The following FAT4 variants were observed in gnomAD, a reference collection of about 807,000 sequenced individuals.
FAT4 encodes the protein FAT atypical cadherin 4.
FAT4 carries 84 observed loss-of-function variants against 303.9 expected under a neutral mutation model. The observed-to-expected ratio is 0.28, with a 90% CI of 0.23 to 0.33. The LOEUF is 0.33. Among genes scored for constraint, FAT4 ranks in the 10% least tolerant of loss-of-function variants. FAT4 has a pLI of 1.00. For synonymous variants in FAT4, 2,307 were observed against 2,298.8 expected (o/e 1.00, Z -0.10); for missense variants, 6,005 against 6,146.8 (o/e 0.98, Z 0.77).
chr4:125,410,612 T>C (rs569156742), intron 5 of FAT4, among the ~76,000 whole-genome samples: 1 of 152,150 alleles, frequency 6.6e-6, no homozygotes, highest in Non-Finnish European at 1.5e-5. Flanking sequence ...ATTTATTAGT[T>C]ATGTATTAGA....
In FAT4 at chr4:125,452,065, C is replaced by T. The variant is rs1726102343; in HGVS notation, c.11055C>T (p.Val3685=). ...CAGATGGCACGTTTGATCTGACTGTCCTTAGCAATGATGGAGTTCACAGCA... is the reference window on the plus strand; with the variant it reads ...CAGATGGCACGTTTGATCTGACTGTTCTTAGCAATGATGGAGTTCACAGCA... The part of the protein sequence containing the change: ...RSTDGTFDLT[V]LSNDGVHSTV... The change falls in exon 10 of 18, where the codon GTC becomes GTT. Residue 3685 remains valine (V), a synonymous_variant. Transcript: ENST00000394329. 8 of 1,614,004 alleles carry T rather than the reference C, an allele frequency of 5.0e-6. No homozygotes were observed. The highest frequency in any genetic ancestry group is 6.8e-6 in the Non-Finnish European group (8 of 1,180,036).
chr4:125,485,461 C>CA (rs1276554897), intron 16 of FAT4, among the ~76,000 whole-genome samples: 4 of 151,736 alleles, frequency 2.6e-5, no homozygotes, highest in East Asian at 1.9e-4. Context: ...AACTAAGAAA[C>CA]AAAAAAACAC....
Position 125,410,796 on chromosome 4 carries a change from AC to A in FAT4, c.5920+2003del, listed in dbSNP as rs1405243686. On this transcript the variant is annotated intron_variant, in intron 5 of 17. Transcript: ENST00000394329. ...TCCATGCACATGTAAGCACAGAAAT[AC>A]ATTGACCATTGTCTCTAAGTAAGTT... 2.0e-5 allele frequency among the ~76,000 whole-genome samples: 3 copies of A among 152,256 alleles called. No individual in the cohort carries two copies. In the East Asian group the frequency reaches 5.8e-4, roughly 29 times the overall value.
rs950629016 is a variant in FAT4, at chr4:125,318,690, A to G, written c.2279A>G (p.Gln760Arg). ...ALDREEKTAY[Q>R]LQIVATDGGN... ...GACAGAGAAGAAAAAACAGCTTATCAGTTGCAAATAGTAGCTACTGATGGT... is the reference window on the plus strand; with the variant it reads ...GACAGAGAAGAAAAAACAGCTTATCGGTTGCAAATAGTAGCTACTGATGGT... The change falls in exon 2 of 18, where the codon CAG (glutamine) becomes CGG (arginine). Residue 760 changes from glutamine to arginine, a missense_variant. Gln to Arg is a conservative substitution (Grantham distance 43). Coordinates refer to ENST00000394329, the MANE Select transcript of FAT4 (RefSeq NM_001291303.3). The G allele has an allele frequency of 6.2e-7, 1 of 1,614,058 alleles. No homozygotes were observed. The highest frequency in any genetic ancestry group is 8.5e-7 in the Non-Finnish European group (1 of 1,180,022).
Position 125,446,476 on chromosome 4 carries a change from C to T in FAT4, c.7383C>T (p.Val2461=). The stretch of plus-strand genomic sequence containing the variant: ...GTGTGCTTGTCACTGTGACTGATGT[C>T]AATGACAATCCACCAAGATTTCAGC... ...STSVLVTVTD[V]NDNPPRFQHH... Residue 2461 remains valine (V), a synonymous_variant, in exon 9 of 18, where the codon GTC becomes GTT. Coordinates refer to ENST00000394329, the MANE Select transcript of FAT4 (RefSeq NM_001291303.3). The T allele has an allele frequency of 6.2e-7, 1 of 1,613,448 alleles. No individual in the cohort carries two copies. The highest frequency in any genetic ancestry group is 2.2e-5 in the East Asian group (1 of 44,862).
rs764184260 is a variant in FAT4, at chr4:125,450,432, T to C, written c.9422T>C (p.Ile3141Thr). 1 of 1,614,096 alleles carries C rather than the reference T, an allele frequency of 6.2e-7. No individual in the cohort carries two copies. Among genetic ancestry groups the C allele is most frequent in the East Asian group, 2.2e-5 (1 of 44,864 alleles). Residue 3141 changes from isoleucine to threonine, a missense_variant, in exon 10 of 18, where the codon ATC becomes ACC. Coordinates refer to ENST00000394329, the MANE Select transcript of FAT4 (RefSeq NM_001291303.3). ...GGAAATGAAGAAGGCATTTTTGCAATCAATTCTTCTACAGGTATATTAACA... is the reference window on the plus strand; with the variant it reads ...GGAAATGAAGAAGGCATTTTTGCAACCAATTCTTCTACAGGTATATTAACA... ...SSGNEEGIFAINSSTGILTLA... is the reference protein window; with the variant it reads ...SSGNEEGIFATNSSTGILTLA...
chr4:125,408,469 C>T lies in FAT4; in HGVS notation c.5595C>T (p.Ala1865=), dbSNP rs765484642. Residue 1865 remains alanine (A), a synonymous_variant, in exon 5 of 18, where the codon GCC becomes GCT. Coordinates refer to ENST00000394329, the MANE Select transcript of FAT4 (RefSeq NM_001291303.3). ...GTTCTTTGGTAGCAGCCATTTTAGC[C>T]ACGGATGATGACTCTGGTGTGAATG... is the stretch of plus-strand genomic sequence containing the variant. ...IPGSLVAAIL[A]TDDDSGVNGE... 3 of 1,599,132 alleles carry T rather than the reference C, an allele frequency of 1.9e-6. No individual in the cohort carries two copies. Among genetic ancestry groups the T allele is most frequent in the South Asian group, 2.3e-5 (2 of 88,250 alleles).
chr4:125,349,275 G>A (rs1188598654), intron 2 of FAT4, among the ~76,000 whole-genome samples: 1 of 151,688 alleles, frequency 6.6e-6, no homozygotes, highest in Non-Finnish European at 1.5e-5. Flanking sequence ...GAAAAGTAAT[G>A]CATTATTCAG....
intron 2 of FAT4, among the ~76,000 whole-genome samples, chr4:125,364,712 G>T (rs1030051955): frequency 2.6e-5 from 4 of 152,068 alleles, no homozygotes; most frequent in African/African-American, 7.2e-5. Flanking sequence ...AGGAAGTGAG[G>T]TTTTTTCAGC....
At chr4:125,324,742 T>C (rs1316738508) in intron 2 of FAT4, among the ~76,000 whole-genome samples, 3 of 152,114 alleles carry the variant, frequency 2.0e-5, no homozygotes, top group Admixed American at 2.0e-4. Flanking sequence ...TTTATGCTCT[T>C]AAGAATTGTC....
chr4:125,408,448 T>C lies in FAT4; in HGVS notation c.5574T>C (p.Ser1858=), dbSNP rs1382828499. The change falls in exon 5 of 18, where the codon TCT becomes TCC. Residue 1858 remains serine (S), a synonymous_variant. Coordinates refer to ENST00000394329, the MANE Select transcript of FAT4 (RefSeq NM_001291303.3). Reference sequence around the variant, plus strand: ...ATTAATTTATTCTTTTGATAGGTTCTTTGGTAGCAGCCATTTTAGCCACGG... The same window carrying C: ...ATTAATTTATTCTTTTGATAGGTTCCTTGGTAGCAGCCATTTTAGCCACGG... ...FDIPEDTIPG[S]LVAAILATDD... is the part of the protein sequence containing the mutation. The C allele has an allele frequency of 6.3e-7, 1 of 1,589,138 alleles. No homozygotes were observed. Among genetic ancestry groups the C allele is most frequent in the Non-Finnish European group, 8.6e-7 (1 of 1,167,946 alleles).
chr4:125,339,755 T>C (rs1463792293), intron 2 of FAT4, among the ~76,000 whole-genome samples: 2 of 152,180 alleles, frequency 1.3e-5, no homozygotes, highest in African/African-American at 4.8e-5. Flanking sequence ...TAGGAAGACC[T>C]AGAGCCAAGA....
At chr4:125,478,486 CCT>C (rs2126084849) in intron 14 of FAT4, among the ~76,000 whole-genome samples, 1 of 152,050 alleles carries the variant, frequency 6.6e-6, no homozygotes, top group African/African-American at 2.4e-5. Flanking sequence ...ACCTTTAACT[CCT>C]CTGTTTCTGT....
In FAT4 at chr4:125,491,748, G is replaced by A; in HGVS notation, c.14932G>A (p.Glu4978Lys). ...GTTKPVPKDG[E>K]AEQYV Reference sequence around the variant, plus strand: ...AACTAAACCAGTCCCCAAAGATGGGGAAGCAGAACAGTATGTGTGAAGTTT... The same window carrying A: ...AACTAAACCAGTCCCCAAAGATGGGAAAGCAGAACAGTATGTGTGAAGTTT... Residue 4978 changes from glutamate to lysine, a missense_variant, in exon 18 of 18, where the codon GAA becomes AAA. Glu to Lys is a moderately conservative substitution (Grantham distance 56). Coordinates refer to ENST00000394329, the MANE Select transcript of FAT4 (RefSeq NM_001291303.3). 8 of 1,612,640 alleles carry A rather than the reference G, an allele frequency of 5.0e-6. No homozygotes were observed. Among genetic ancestry groups the A allele is most frequent in the Non-Finnish European group, 5.9e-6 (7 of 1,179,258 alleles).
chr4:125,472,224 G>C (rs577974273), intron 12 of FAT4, among the ~76,000 whole-genome samples: 1 of 152,016 alleles, frequency 6.6e-6, no homozygotes, highest in East Asian at 1.9e-4. Flanking sequence ...GAAAAAACTT[G>C]GTATGTAAAT....
chr4:125,335,337 GT>G (rs1404784972), intron 2 of FAT4, among the ~76,000 whole-genome samples: 1 of 152,072 alleles, frequency 6.6e-6, no homozygotes, highest in African/African-American at 2.4e-5. Flanking sequence ...GGTGGTAGAT[GT>G]TGATGATGGG....
chr4:125,317,283 A>G lies in FAT4; in HGVS notation c.872A>G (p.Asp291Gly). The change falls in exon 2 of 18, where the codon GAC becomes GGC. Residue 291 changes from aspartate (D) to glycine (G), a missense_variant. Physicochemically the swap from Asp to Gly is moderately conservative, Grantham distance 94. Coordinates refer to ENST00000394329, the MANE Select transcript of FAT4 (RefSeq NM_001291303.3). This position sits in a 1 kb window ranked among gnomAD's most constrained non-coding sequence, Gnocchi z 7.0. ...GCGGACATCCGCTATCGCCTGCAGG[A>G]CGAGGGGACCCCCTTCCAAATGGAC... Reference protein sequence around the residue: ...TNADIRYRLQDEGTPFQMDPE... With the variant: ...TNADIRYRLQGEGTPFQMDPE... The G allele has an allele frequency of 6.3e-7, 1 of 1,588,908 alleles. No individual in the cohort carries two copies. Among genetic ancestry groups the G allele is most frequent in the Non-Finnish European group, 8.6e-7 (1 of 1,165,142 alleles).
chr4:125,391,041 G>A (rs1179120320), intron 2 of FAT4, among the ~76,000 whole-genome samples: 8 of 152,148 alleles, frequency 5.3e-5, no homozygotes, highest in African/African-American at 1.7e-4. Flanking sequence ...TGAGGCTGTG[G>A]AGAAATAAGA....
rs118122507 is a variant in FAT4, at chr4:125,390,838, T to C, written c.5176-7946T>C. Among the ~76,000 whole-genome samples the C allele has an allele frequency of 3.9e-5, 6 of 152,258 alleles. No homozygotes were observed. In the East Asian group the frequency reaches 9.7e-4, roughly 25 times the overall value. ...TTCTGAACAAAACATATTAAGGATA[T>C]TTTTTCTGAAGTTTTTGAAATTTTA... is the stretch of plus-strand genomic sequence containing the variant. On this transcript the variant is annotated intron_variant, in intron 2 of 17. Coordinates refer to ENST00000394329, the MANE Select transcript of FAT4 (RefSeq NM_001291303.3).
Sources: allele counts gnomAD v4.1 joint callset (sites outside exome capture counted in the v4.1 genomes callset), GRCh38; gene constraint gnomAD v4.1.1; non-coding constraint Gnocchi (gnomAD v3.1); transcripts MANE v1.5; gene names NCBI Gene and HGNC (gene_info 2026-07-23, HGNC 2026-07-21).